Variants in RABGEF1 observed in about 807,000 individuals in gnomAD.
RABGEF1 encodes rab5 GDP/GTP exchange factor.
In RABGEF1, 26 loss-of-function variants were observed where a neutral mutation model predicts 57.3. The observed-to-expected ratio is 0.45, with a 90% CI of 0.33 to 0.63. The LOEUF is 0.63. Among genes scored for constraint, RABGEF1 ranks in the 20% least tolerant of loss-of-function variants. The probability of loss-of-function intolerance (pLI) is 0.02; values close to 1 mark genes in which losing one functional copy is unlikely to be tolerated. For synonymous variants in RABGEF1, 185 were observed against 210.7 expected (o/e 0.88, Z 1.06); for missense variants, 464 against 607.6 (o/e 0.76, Z 2.48).
In RABGEF1 at chr7:66,746,410, C is replaced by G. The variant is rs143058249; in HGVS notation, c.-18+5618C>G. On this transcript the variant is annotated intron_variant, in intron 1 of 8. Coordinates refer to ENST00000284957, the MANE Select transcript of RABGEF1 (RefSeq NM_014504.3). ...CCTCTGCTTCCTGGGTTCAAGGATT[C>G]TTCTGCCTCAGCCTCCCGAGTAGTT... 2.5e-3 allele frequency among the ~76,000 whole-genome samples: 372 copies of G among 149,680 alleles called. 11 individuals carry two copies. In the East Asian group the frequency reaches 0.059, roughly 24 times the overall value.
chr7:66,783,113 G>T (rs115782800), intron 3 of RABGEF1, among the ~76,000 whole-genome samples: 1 of 152,226 alleles, frequency 6.6e-6, no homozygotes, highest in Non-Finnish European at 1.5e-5. Context: ...TGTTTATCAT[G>T]CTATTAATAC....
intron 1 of RABGEF1, among the ~76,000 whole-genome samples, chr7:66,686,536 T>C (rs1373436818): frequency 6.6e-6 from 1 of 152,216 alleles, no homozygotes; most frequent in Admixed American, 6.5e-5. Context: ...TACACTTTTA[T>C]CATAGAGCAC....
At chr7:66,771,749 CCCT>C in intron 1 of RABGEF1, 131 bp from the exon 2 acceptor site, 2 of 504,868 alleles carry the variant, frequency 4.0e-6, no homozygotes, top group African/African-American at 2.0e-5. Context: ...CTTTCTCCCT[CCCT>C]CCTTCATTCC....
At chr7:66,672,627 A>G in the RABGEF1 span, among the ~76,000 whole-genome samples, 1 of 152,080 alleles carries the variant, frequency 6.6e-6, no homozygotes, top group Non-Finnish European at 1.5e-5. Context: ...TGTCCTTTTC[A>G]GAGTACGTGG....
intron 2 of RABGEF1, among the ~76,000 whole-genome samples, chr7:66,714,895 A>C (rs1795192649): frequency 6.6e-6 from 1 of 152,230 alleles, no homozygotes; most frequent in Non-Finnish European, 1.5e-5. Flanking sequence ...AGATCCTGCC[A>C]CTGCACTCCA....
intron 1 of RABGEF1, among the ~76,000 whole-genome samples, chr7:66,684,808 G>T (rs894013188): frequency 2.0e-5 from 3 of 151,664 alleles, no homozygotes; most frequent in African/African-American, 7.3e-5. Flanking sequence ...CTAATTTTTT[G>T]TATTTTTAGT....
At chr7:66,758,438 T>C (rs189942192) in intron 1 of RABGEF1, among the ~76,000 whole-genome samples, 16 of 152,334 alleles carry the variant, frequency 1.1e-4, no homozygotes, top group East Asian at 7.7e-4. Flanking sequence ...CCAATTGAAT[T>C]GTGCATTCTT....
upstream of RABGEF1, chr7:66,682,039 TC>T (rs1338158850): frequency 6.0e-6 from 1 of 165,388 alleles, no homozygotes; most frequent in African/African-American, 2.4e-5. Flanking sequence ...TCGCACTTCC[TC>T]CCGTCATCAG....
chr7:66,725,909 C>A (rs147048364), intron 2 of RABGEF1, among the ~76,000 whole-genome samples: 1 of 152,348 alleles, frequency 6.6e-6, no homozygotes, highest in East Asian at 1.9e-4. Flanking sequence ...GAGGGGGAAG[C>A]TGTGACCCTT....
In RABGEF1 at chr7:66,782,708, C is replaced by T. The variant is rs527837758; in HGVS notation, c.347-967C>T. ...TAGCTCAGTAGGAGAATCGCTTGAA[C>T]CTGGGAGGTGGAGGTTGCAGTGAGC... On this transcript the variant is annotated intron_variant, in intron 3 of 8. Coordinates refer to ENST00000284957, the MANE Select transcript of RABGEF1 (RefSeq NM_014504.3). Among the ~76,000 whole-genome samples the T allele has an allele frequency of 8.6e-5, 13 of 151,956 alleles. No homozygotes were observed. In the East Asian group the frequency reaches 2.5e-3, roughly 30 times the overall value.
chr7:66,705,443 A>AAGACAGAGAGAGAGAGAGAGAGAGAG lies in RABGEF1; in HGVS notation c.-872-6721_-872-6720insCAGAGAGAGAGAGAGAGAGAGAGAGA, dbSNP rs540794271. On this transcript the variant is annotated intron_variant and NMD_transcript_variant, in intron 1 of 9. Coordinates refer to the RABGEF1 transcript ENST00000607882. ...CAGAGCGAAACTCCATCTCGAAAGA[A>AAGACAGAGAGAGAGAGAGAGAGAGAG]AGAGAGAGAGAGAGAGAGAGAGAGA... 1.5e-3 allele frequency among the ~76,000 whole-genome samples: 97 copies of AAGACAGAGAGAGAGAGAGAGAGAGAG among 66,370 alleles called. 12 individuals are homozygous for AAGACAGAGAGAGAGAGAGAGAGAGAG. Among genetic ancestry groups the AAGACAGAGAGAGAGAGAGAGAGAGAG allele is most frequent in the Middle Eastern group, 0.011 (1 of 92 alleles). 43.5% of individuals were successfully genotyped at this position (66,370 alleles called of 152,430 possible). A position where few individuals can be genotyped will look rare whatever the true frequency, so the allele number is the denominator to read the frequency against.
Position 66,809,411 on chromosome 7 carries a change from T to C in RABGEF1, c.*127T>C. The C allele has an allele frequency of 9.5e-7, 1 of 1,056,170 alleles. No individual in the cohort carries two copies. Among genetic ancestry groups the C allele is most frequent in the Non-Finnish European group, 1.3e-6 (1 of 763,578 alleles). The allele number at this position is 1,056,170 out of a possible 1,614,324, so 65.4% of individuals were successfully genotyped here. A position where few individuals can be genotyped will look rare whatever the true frequency, so the allele number is the denominator to read the frequency against. ...GTCAGCATTTTTTAAAGGTACAGTA[T>C]ATGGGGATTGTTTCGTTTTTCCTAG... On this transcript the variant is annotated 3_prime_UTR_variant, in exon 9 of 9. Transcript: ENST00000284957.
intron 7 of RABGEF1, among the ~76,000 whole-genome samples, chr7:66,802,616 G>A (rs10247324): frequency 6.6e-6 from 1 of 152,172 alleles, no homozygotes; most frequent in Non-Finnish European, 1.5e-5. Context: ...CTTTGAAGCA[G>A]TGCAAATCAT....
chr7:66,683,452 C>T (rs529205244), intron 1 of RABGEF1, among the ~76,000 whole-genome samples: 1 of 152,278 alleles, frequency 6.6e-6, no homozygotes, highest in East Asian at 1.9e-4. Flanking sequence ...AATGACCTTT[C>T]CAATCAGTCA....
At chr7:66,658,675 G>A in the RABGEF1 span, among the ~76,000 whole-genome samples, 1 of 152,150 alleles carries the variant, frequency 6.6e-6, no homozygotes, top group East Asian at 1.9e-4. Context: ...ACATTTAAAG[G>A]AAAAATTAGT....
chr7:66,731,209 G>C (rs753467821), intron 2 of RABGEF1, among the ~76,000 whole-genome samples: 5 of 152,190 alleles, frequency 3.3e-5, no homozygotes, highest in African/African-American at 4.8e-5. Flanking sequence ...CCTGGCAACA[G>C]GACTTGGCAG....
intron 1 of RABGEF1, among the ~76,000 whole-genome samples, chr7:66,746,643 G>C (rs1023972272): frequency 5.6e-5 from 5 of 88,618 alleles, no homozygotes; most frequent in African/African-American, 2.2e-4. Context: ...TTTTTTTTGA[G>C]AACAGAGTCT....
intron 3 of RABGEF1, among the ~76,000 whole-genome samples, chr7:66,778,486 A>C (rs1181748038): frequency 6.6e-6 from 1 of 152,236 alleles, no homozygotes; most frequent in African/African-American, 2.4e-5. Context: ...TTGCTTATAC[A>C]TTCCAAAGTG....
intron 1 of RABGEF1, among the ~76,000 whole-genome samples, chr7:66,746,410 C>T (rs143058249): frequency 1.3e-5 from 2 of 149,558 alleles, no homozygotes; most frequent in African/African-American, 4.9e-5. Flanking sequence ...TTCAAGGATT[C>T]TTCTGCCTCA....
Sources: allele counts gnomAD v4.1 joint callset (sites outside exome capture counted in the v4.1 genomes callset), GRCh38; gene constraint gnomAD v4.1.1; transcripts MANE v1.5; gene names NCBI Gene and HGNC (gene_info 2026-07-23, HGNC 2026-07-21).